The following PARN variants were observed in gnomAD, a reference collection of about 807,000 sequenced individuals.
The protein encoded by PARN is poly(A)-specific ribonuclease.
Under a neutral mutation model 102.8 loss-of-function variants are expected in PARN, and 71 were observed. The observed-to-expected ratio is 0.69, with a 90% CI of 0.57 to 0.84. The LOEUF (loss-of-function observed/expected upper bound fraction) is 0.84, where lower values mean the gene tolerates loss of function less well. Among genes scored for constraint, PARN ranks in the 40% least tolerant of loss-of-function variants. PARN has a pLI of 0.00. For synonymous variants in PARN, 261 were observed against 252.9 expected, an observed-to-expected ratio of 1.03 and a Z score of -0.30; for missense variants, 782 against 760.9, an observed-to-expected ratio of 1.03 and a Z score of -0.33.
intron 22 of PARN, among the ~76,000 whole-genome samples, chr16:14,465,373 G>A (rs1348562012): frequency 6.6e-6 from 1 of 152,186 alleles, no homozygotes; most frequent in Non-Finnish European, 1.5e-5. Context: ...GTGAGCCAAT[G>A]CACCCAGCGT....
In PARN at chr16:14,446,701, C is replaced by T. The variant is rs536158493; in HGVS notation, c.1864+187G>A. Among the ~76,000 whole-genome samples the T allele has an allele frequency of 1.9e-4, 29 of 152,256 alleles. 2 individuals are homozygous for T. In the South Asian group the frequency reaches 5.6e-3, roughly 29 times the overall value. On this transcript the variant is annotated intron_variant, in intron 23 of 23. Coordinates refer to ENST00000437198, the MANE Select transcript of PARN (RefSeq NM_002582.4). ...GAGACCCCCCAGGCCTTATGCTACC[C>T]GAGCCAGAGCTTTTTAGGATTCCTC... is the stretch of plus-strand genomic sequence containing the variant.
At chr16:14,564,708 T>G (rs1173938042) in intron 18 of PARN, among the ~76,000 whole-genome samples, 1 of 152,078 alleles carries the variant, frequency 6.6e-6, no homozygotes, top group East Asian at 1.9e-4. Flanking sequence ...TATTCTGGTC[T>G]CTCTTCCTAG....
At chr16:14,474,802 A>G (rs1962947722) in intron 22 of PARN, among the ~76,000 whole-genome samples, 3 of 152,210 alleles carry the variant, frequency 2.0e-5, no homozygotes, top group African/African-American at 7.2e-5. Context: ...TTTCAGTAGG[A>G]AGACAGAAAA....
intron 21 of PARN, among the ~76,000 whole-genome samples, chr16:14,534,176 G>A (rs1418179158): frequency 1.4e-5 from 2 of 146,218 alleles, no homozygotes; most frequent in African/African-American, 2.6e-5. Context: ...CCAAGATCGC[G>A]CCACTGCACT....
chr16:14,486,472 C>T lies in PARN; in HGVS notation c.1481-3645G>A, dbSNP rs111699198. ...GCAAAGGTGATGACAGGGTCACAGGCGAGCTGAGTTAATCTATTTAATGAT... is the reference window on the plus strand; with the variant it reads ...GCAAAGGTGATGACAGGGTCACAGGTGAGCTGAGTTAATCTATTTAATGAT... On this transcript the variant is annotated intron_variant, in intron 21 of 23. Coordinates refer to ENST00000437198, the MANE Select transcript of PARN (RefSeq NM_002582.4). Among the ~76,000 whole-genome samples, 173 of 152,286 alleles carry T rather than the reference C, an allele frequency of 1.1e-3. 2 individuals are homozygous for T. The highest frequency in any genetic ancestry group is 3.9e-3 in the African/African-American group (164 of 41,546).
chr16:14,494,148 C>T (rs559277002), intron 21 of PARN, among the ~76,000 whole-genome samples: 5 of 152,166 alleles, frequency 3.3e-5, no homozygotes, highest in Admixed American at 6.5e-5. Flanking sequence ...GACCTGAGTA[C>T]GTGAGAATTT....
At chr16:14,478,258 G>A (rs1052395160) in intron 22 of PARN, among the ~76,000 whole-genome samples, 13 of 152,102 alleles carry the variant, frequency 8.5e-5, no homozygotes, top group Admixed American at 1.3e-4. Flanking sequence ...CAAGGCTGCC[G>A]TGAGCTATGA....
intron 13 of PARN, among the ~76,000 whole-genome samples, chr16:14,592,230 A>G (rs1898494885): frequency 6.6e-6 from 1 of 152,162 alleles, no homozygotes; most frequent in Non-Finnish European, 1.5e-5. Context: ...GAAAAGAAGT[A>G]CAAGTTAAAT....
At chr16:14,513,819 G>A (rs1481826207) in intron 21 of PARN, among the ~76,000 whole-genome samples, 3 of 152,142 alleles carry the variant, frequency 2.0e-5, no homozygotes, top group East Asian at 1.9e-4. Context: ...TGCCGCAGAC[G>A]AGGTCCGTTT....
chr16:14,499,544 G>A (rs1191083571), intron 21 of PARN, among the ~76,000 whole-genome samples: 1 of 152,204 alleles, frequency 6.6e-6, no homozygotes, highest in Non-Finnish European at 1.5e-5. Flanking sequence ...TTAAAAAAGT[G>A]ATATTGACAT....
chr16:14,480,023 C>T (rs1483737594), intron 22 of PARN, among the ~76,000 whole-genome samples: 3 of 150,810 alleles, frequency 2.0e-5, no homozygotes, highest in Non-Finnish European at 4.4e-5. Context: ...ACTTAATAAA[C>T]AAGACTTTAT....
chr16:14,606,498 A>G lies in PARN; in HGVS notation c.688T>C (p.Leu230=), dbSNP rs1267176962. Residue 230 remains leucine (L), a synonymous_variant, in exon 10 of 24, where the codon TTA becomes CTA. Transcript: ENST00000437198. ...CTTGGGGTTACCTTTTCAGTTTCTA[A>G]AGTCTCAACATGAATGCCTTTCGGA... The part of the protein sequence containing the change: ...KYPKGIHVET[L]ETEKKERYIV... 1 of 1,576,382 alleles carries G rather than the reference A, an allele frequency of 6.3e-7. No individual in the cohort carries two copies. The highest frequency in any genetic ancestry group is 8.7e-7 in the Non-Finnish European group (1 of 1,152,832).
At chr16:14,613,985 G>C (rs1379272562) in intron 6 of PARN, among the ~76,000 whole-genome samples, 1 of 152,152 alleles carries the variant, frequency 6.6e-6, no homozygotes, top group African/African-American at 2.4e-5. Context: ...CAATAAATGA[G>C]ACCATGCGTA....
intron 6 of PARN, among the ~76,000 whole-genome samples, chr16:14,612,374 T>G (rs1971568512): frequency 6.6e-6 from 1 of 151,596 alleles, no homozygotes; most frequent in South Asian, 2.1e-4. Flanking sequence ...GAGGCAGAGG[T>G]TACAGTGAGC....
chr16:14,500,229 A>C (rs1964514895), intron 21 of PARN, among the ~76,000 whole-genome samples: 1 of 151,868 alleles, frequency 6.6e-6, no homozygotes, highest in Non-Finnish European at 1.5e-5. Context: ...GTAATTTAAA[A>C]ATTTTTTTTG....
intron 22 of PARN, among the ~76,000 whole-genome samples, chr16:14,451,840 C>G (rs1362281826): frequency 1.2e-5 from 1 of 81,618 alleles, no homozygotes; most frequent in African/African-American, 4.8e-5. Context: ...GAAACCCCGT[C>G]TCTAAAAAAA....
Position 14,496,327 on chromosome 16 carries a change from A to G in PARN, c.1481-13500T>C, listed in dbSNP as rs143802294. 5.4e-4 allele frequency among the ~76,000 whole-genome samples: 83 copies of G among 152,344 alleles called. 1 individual carries two copies. The South Asian group carries it at 9.1e-3, about 17-fold the overall frequency. ...TTCCCAAGTGCTGACACAGCAGCTT[A>G]AAAAGTGGGTAGTGAAGTGCAGAAG... On this transcript the variant is annotated intron_variant, in intron 21 of 23. Coordinates refer to ENST00000437198, the MANE Select transcript of PARN (RefSeq NM_002582.4).
chr16:14,465,689 A>G (rs1315086967), intron 22 of PARN, among the ~76,000 whole-genome samples: 2 of 152,212 alleles, frequency 1.3e-5, no homozygotes, highest in African/African-American at 4.8e-5. Flanking sequence ...AATACAAAGG[A>G]TCTAGAATAG....
intron 7 of PARN, 146 bp from the exon 8 acceptor site, chr16:14,609,269 A>C (rs766576437): frequency 2.1e-5 from 12 of 581,958 alleles, no homozygotes; most frequent in Admixed American, 3.4e-5. Flanking sequence ...TTTTAGTTCA[A>C]AGACTTTTTT....
Sources: gnomAD v4.1 joint callset for allele counts (sites outside exome capture counted in the v4.1 genomes callset) on GRCh38, gnomAD v4.1.1 for gene constraint, MANE v1.5 for transcripts, NCBI Gene and HGNC (gene_info 2026-07-23, HGNC 2026-07-21) for gene names.